Variants in RBFOX1 observed in about 807,000 individuals in gnomAD.
RBFOX1 encodes RNA binding fox-1 homolog 1.
In RBFOX1, 8 loss-of-function variants were observed where a neutral mutation model predicts 57.7. The observed-to-expected ratio is 0.14, with a 90% CI of 0.08 to 0.25. The LOEUF is 0.25. RBFOX1 is among the 10% of genes least tolerant of loss of function. The pLI is 1.00. For synonymous variants in RBFOX1, 326 were observed against 222.4 expected (o/e 1.47, Z -4.15); for missense variants, 611 against 548.5 (o/e 1.11, Z -1.14).
chr16:6,380,208 A>G (rs982340307), intron 2 of RBFOX1, among the ~76,000 whole-genome samples: 1 of 152,002 alleles, frequency 6.6e-6, no homozygotes, highest in Non-Finnish European at 1.5e-5. Context: ...GCTCATTCAG[A>G]TGACTTTTAT....
intron 4 of RBFOX1, among the ~76,000 whole-genome samples, chr16:7,502,153 A>G (rs2071126475): frequency 6.6e-6 from 1 of 152,230 alleles, no homozygotes; most frequent in South Asian, 2.1e-4. Context: ...ACACAATGAA[A>G]GACAAGGTCA....
intron 3 of RBFOX1, among the ~76,000 whole-genome samples, chr16:5,744,807 G>C (rs554056975): frequency 1.3e-5 from 2 of 152,076 alleles, no homozygotes; most frequent in African/African-American, 4.8e-5. Flanking sequence ...GCCCAGGCTG[G>C]AGTGCAGTGG....
At chr16:7,167,464 T>A (rs1003653925) in intron 4 of RBFOX1, among the ~76,000 whole-genome samples, 28 of 152,016 alleles carry the variant, frequency 1.8e-4, no homozygotes, top group Non-Finnish European at 4.0e-4. Flanking sequence ...CTAAGAGTGA[T>A]GCAGCCACAA....
chr16:7,621,152 A>G (rs2059259017), intron 10 of RBFOX1, among the ~76,000 whole-genome samples: 2 of 152,288 alleles, frequency 1.3e-5, no homozygotes, highest in African/African-American at 4.8e-5. Flanking sequence ...CTATATATTG[A>G]CACCTATAAC....
At chr16:6,877,816 A>G (rs566455756) in intron 3 of RBFOX1, among the ~76,000 whole-genome samples, 5 of 152,284 alleles carry the variant, frequency 3.3e-5, no homozygotes, top group East Asian at 1.9e-4. Flanking sequence ...AACTAGGAGA[A>G]TAAGTCATCT....
intron 2 of RBFOX1, among the ~76,000 whole-genome samples, chr16:5,530,330 C>T (rs2044416612): frequency 6.6e-6 from 1 of 152,118 alleles, no homozygotes; most frequent in Non-Finnish European, 1.5e-5. Context: ...CTTATCGACC[C>T]TGTGGGGTAA....
chr16:6,565,284 TCTCA>T (rs2097246985), intron 2 of RBFOX1, among the ~76,000 whole-genome samples: 1 of 147,812 alleles, frequency 6.8e-6, no homozygotes, highest in South Asian at 2.1e-4. Context: ...TGAGACAGAG[TCTCA>T]CTCTGTTGCC....
chr16:6,650,436 T>G (rs1024491814), intron 2 of RBFOX1, among the ~76,000 whole-genome samples: 1 of 152,224 alleles, frequency 6.6e-6, no homozygotes, highest in Non-Finnish European at 1.5e-5. Flanking sequence ...GGATCACTTC[T>G]GGTTACAGAT....
chr16:6,621,212 A>G (rs1316646948), intron 2 of RBFOX1, among the ~76,000 whole-genome samples: 2 of 152,218 alleles, frequency 1.3e-5, no homozygotes, highest in African/African-American at 2.4e-5. Context: ...CTGTATTCCC[A>G]GCACATTGGG....
intron 4 of RBFOX1, among the ~76,000 whole-genome samples, chr16:7,430,029 A>G (rs916582519): frequency 6.6e-6 from 1 of 152,306 alleles, no homozygotes. Context: ...GTTTTTCCCC[A>G]GCTCCTAACA....
chr16:6,038,570 A>AACAT (rs2095399236), intron 1 of RBFOX1: 1 of 144,330 alleles, frequency 6.9e-6, no homozygotes, highest in African/African-American at 2.5e-5. Context: ...TATATATATC[A>AACAT]TCCATATATA....
At chr16:7,664,860 A>C (rs1597590920) in intron 12 of RBFOX1, 69 bp from the exon 13 acceptor site, 1 of 1,613,376 alleles carries the variant, frequency 6.2e-7, no homozygotes, top group African/African-American at 1.3e-5. Flanking sequence ...TCGCCAGTGC[A>C]GGGGTTGGTG....
chr16:6,066,110 A>G (rs2095757630), intron 1 of RBFOX1, among the ~76,000 whole-genome samples: 1 of 151,990 alleles, frequency 6.6e-6, no homozygotes, highest in Non-Finnish European at 1.5e-5. Flanking sequence ...GCTGGCCAAC[A>G]CGGTGAAACC....
At chr16:5,955,345 A>G (rs574173810) in intron 4 of RBFOX1, among the ~76,000 whole-genome samples, 47,548 of 81,818 alleles carry the variant, frequency 0.58, 11,738 homozygotes, top group Admixed American at 0.61. Context: ...ATAAAATAAA[A>G]TAAAATAAAT....
intron 4 of RBFOX1, among the ~76,000 whole-genome samples, chr16:7,186,932 C>T (rs916171449): frequency 7.5e-6 from 1 of 133,104 alleles, no homozygotes; most frequent in South Asian, 2.3e-4. Context: ...CTGAGGCAGG[C>T]AAATTGCTTG....
chr16:7,347,424 A>G (rs1199611223), intron 4 of RBFOX1, among the ~76,000 whole-genome samples: 3 of 152,138 alleles, frequency 2.0e-5, no homozygotes, highest in Non-Finnish European at 4.4e-5. Flanking sequence ...AGACTTGTTC[A>G]TTATCAGGAG....
intron 2 of RBFOX1, among the ~76,000 whole-genome samples, chr16:5,574,009 T>A (rs1320191363): frequency 6.6e-6 from 1 of 152,196 alleles, no homozygotes; most frequent in African/African-American, 2.4e-5. Flanking sequence ...AAACCATATC[T>A]TGTTTATGTT....
chr16:6,989,656 G>A (rs1427276426), intron 3 of RBFOX1, among the ~76,000 whole-genome samples: 1 of 152,136 alleles, frequency 6.6e-6, no homozygotes, highest in Non-Finnish European at 1.5e-5. Context: ...AGAAACAAAG[G>A]AACAGAAGCT....
intron 4 of RBFOX1, among the ~76,000 whole-genome samples, chr16:7,369,849 A>G (rs936005267): frequency 6.6e-6 from 1 of 152,232 alleles, no homozygotes; most frequent in Non-Finnish European, 1.5e-5. Flanking sequence ...CAATTTCATT[A>G]TCTCACTTTC....
Sources: gnomAD v4.1 joint callset for allele counts (sites outside exome capture counted in the v4.1 genomes callset) on GRCh38, gnomAD v4.1.1 for gene constraint, MANE v1.5 for transcripts, NCBI Gene and HGNC (gene_info 2026-07-23, HGNC 2026-07-21) for gene names.